PRKG1: variants seen among roughly 807,000 people sequenced by gnomAD.
PRKG1 encodes the protein protein kinase cGMP-dependent 1.
In PRKG1, 35 loss-of-function variants were observed where a neutral mutation model predicts 88.1. The ratio of observed to expected loss-of-function variants is 0.40; its 90% confidence interval spans 0.30 to 0.53. The LOEUF is 0.53. Ranked by LOEUF, PRKG1 falls within the 20% of genes least tolerant of loss-of-function variation. PRKG1 has a pLI of 0.59. For missense variants in PRKG1, 540 were observed against 839.8 expected (o/e 0.64, Z 4.41); for synonymous variants, 303 against 292.5 (o/e 1.04, Z -0.37).
At chr10:52,205,212 T>A (rs1011997208) in intron 9 of PRKG1, among the ~76,000 whole-genome samples, 5 of 152,172 alleles carry the variant, frequency 3.3e-5, no homozygotes, top group African/African-American at 1.2e-4. Context: ...TTCTAGTTTC[T>A]CCCTGACCTT....
intron 11 of PRKG1, among the ~76,000 whole-genome samples, chr10:52,272,016 CAT>C (rs1210304382): frequency 2.0e-5 from 3 of 152,046 alleles, no homozygotes; most frequent in African/African-American, 7.2e-5. Context: ...GAAATTTATA[CAT>C]GTCTGAATCT....
chr10:51,946,591 T>G lies in PRKG1; in HGVS notation c.762+39021T>G, dbSNP rs184871994. On this transcript the variant is annotated intron_variant, in intron 5 of 17. Transcript: ENST00000373980. ...CTGTTTTTTCCCCATCTTTGTGGTT[T>G]TATCTACTTTTGGTCTTTGATGATG... Among the ~76,000 whole-genome samples, 291 of 152,162 alleles carry G rather than the reference T, an allele frequency of 1.9e-3. 4 individuals carry two copies. Among genetic ancestry groups the G allele is most frequent in the African/African-American group, 6.8e-3 (282 of 41,408 alleles).
intron 2 of PRKG1, among the ~76,000 whole-genome samples, chr10:51,359,754 G>T (rs200850060): frequency 1.3e-5 from 2 of 151,940 alleles, no homozygotes; most frequent in East Asian, 3.9e-4. Flanking sequence ...GTATGAGGCA[G>T]GTGTGTAAAA....
intron 3 of PRKG1, among the ~76,000 whole-genome samples, chr10:51,643,776 C>T (rs1174584731): frequency 1.3e-5 from 2 of 152,042 alleles, no homozygotes. Context: ...CTGACAAAAA[C>T]AAAACAAAAC....
chr10:51,478,839 A>AAAAT (rs1423785027), intron 3 of PRKG1, among the ~76,000 whole-genome samples: 1 of 152,048 alleles, frequency 6.6e-6, no homozygotes, highest in Non-Finnish European at 1.5e-5. Context: ...CCAAATTATT[A>AAAAT]AAATATCAAA....
chr10:52,089,062 T>A (rs375874853), intron 7 of PRKG1, among the ~76,000 whole-genome samples: 1 of 152,166 alleles, frequency 6.6e-6, no homozygotes, highest in Admixed American at 6.5e-5. Flanking sequence ...AATATCAAGT[T>A]TTTTTGGTCT....
intron 8 of PRKG1, among the ~76,000 whole-genome samples, chr10:52,144,421 C>T (rs1837672069): frequency 6.6e-6 from 1 of 152,176 alleles, no homozygotes; most frequent in Non-Finnish European, 1.5e-5. Flanking sequence ...AAGAGAGTAG[C>T]AGATTAATTA....
intron 7 of PRKG1, among the ~76,000 whole-genome samples, chr10:52,069,850 G>C (rs543544382): frequency 6.6e-6 from 1 of 151,036 alleles, no homozygotes. Flanking sequence ...TTTCATTCTC[G>C]GTCAATATAT....
chr10:52,119,399 C>T (rs1847763603), intron 7 of PRKG1, among the ~76,000 whole-genome samples: 1 of 152,170 alleles, frequency 6.6e-6, no homozygotes, highest in Non-Finnish European at 1.5e-5. Flanking sequence ...GAGACACTCT[C>T]TCCTGACATG....
In PRKG1 at chr10:52,297,071, T is replaced by C. The variant is rs1370146465; in HGVS notation, c.*3171T>C. 8 of 152,240 alleles carry C rather than the reference T, an allele frequency of 5.3e-5. No individual in the cohort carries two copies. The South Asian group carries it at 1.7e-3, about 32-fold the overall frequency. The allele number at this position is 152,240 out of a possible 1,614,324, so 9.4% of individuals were successfully genotyped here. A position where few individuals can be genotyped will look rare whatever the true frequency, so the allele number is the denominator to read the frequency against. On this transcript the variant is annotated 3_prime_UTR_variant, in exon 18 of 18. Transcript: ENST00000373980. The stretch of plus-strand genomic sequence containing the variant: ...TAGAACTGATTTCATACAATAGAGG[T>C]GATCTGTGCATTATCCATAACAACG...
At chr10:51,909,642 G>A (rs934360342) in intron 5 of PRKG1, 3 of 152,158 alleles carry the variant, frequency 2.0e-5, no homozygotes, top group Non-Finnish European at 2.9e-5. Context: ...TGAAGAGGAA[G>A]GCATAAGGCC....
intron 2 of PRKG1, among the ~76,000 whole-genome samples, chr10:51,250,437 T>C (rs886819081): frequency 5.9e-5 from 9 of 151,810 alleles, no homozygotes; most frequent in East Asian, 1.9e-4. Flanking sequence ...GAATAACCTG[T>C]CATGCAAAAG....
intron 2 of PRKG1, among the ~76,000 whole-genome samples, chr10:51,395,685 C>T (rs149514983): frequency 3.8e-4 from 58 of 152,178 alleles, no homozygotes; most frequent in African/African-American, 1.3e-3. Flanking sequence ...AATTTTTCAG[C>T]GTTGGAAGAG....
intron 2 of PRKG1, among the ~76,000 whole-genome samples, chr10:51,269,750 G>C (rs7077723): frequency 6.6e-6 from 1 of 151,910 alleles, no homozygotes; most frequent in African/African-American, 2.4e-5. Flanking sequence ...AAAAGACTAC[G>C]TGTTGGGTAC....
chr10:51,621,747 G>C (rs567075429), intron 3 of PRKG1, among the ~76,000 whole-genome samples: 1 of 152,000 alleles, frequency 6.6e-6, no homozygotes, highest in Admixed American at 6.6e-5. Context: ...TGTTTTAAAG[G>C]TCCTCTCTAT....
Position 51,804,600 on chromosome 10 carries a change from A to G in PRKG1, c.608A>G (p.Lys203Arg), listed in dbSNP as rs775968324. Residue 203 changes from lysine to arginine, a missense_variant, in exon 4 of 18, where the codon AAA becomes AGA. Around this residue, in one of 5 missense-constraint regions of PRKG1, gnomAD observed 400 missense variants for 562.7 expected, o/e 0.71. Coordinates refer to ENST00000373980, the MANE Select transcript of PRKG1 (RefSeq NM_006258.4). ...TTTTCTCCAGCTCTTGTAAATGTAAAACTCTGGGCCATTGATCGACAATGT... is the reference window on the plus strand; with the variant it reads ...TTTTCTCCAGCTCTTGTAAATGTAAGACTCTGGGCCATTGATCGACAATGT... ...TATVKTLVNV[K>R]LWAIDRQCFQ... 1 of 1,593,918 alleles carries G rather than the reference A, an allele frequency of 6.3e-7. No homozygotes were observed. Among genetic ancestry groups the G allele is most frequent in the East Asian group, 2.2e-5 (1 of 44,660 alleles).
At chr10:51,613,079 T>A (rs1430995118) in intron 3 of PRKG1, among the ~76,000 whole-genome samples, 1 of 151,792 alleles carries the variant, frequency 6.6e-6, no homozygotes, top group African/African-American at 2.4e-5. Flanking sequence ...TGTAGTTTTA[T>A]TTTAAGGAGG....
chr10:51,221,977 C>T (rs889971897), intron 2 of PRKG1, among the ~76,000 whole-genome samples: 1 of 149,872 alleles, frequency 6.7e-6, no homozygotes, highest in African/African-American at 2.5e-5. Flanking sequence ...CGGGTTCAAG[C>T]AATTCTCCTG....
rs572542438 is a variant in PRKG1 at position 51,268,585 on chromosome 10, G to A, written c.478+115255G>A. On this transcript the variant is annotated intron_variant, in intron 2 of 17. Transcript: ENST00000373980. Reference sequence around the variant, plus strand: ...CCGGCTCAGCAGTCAGAGTTTATAAGGTTATCTCTCTTGTTCCCTGTACAT... The same window carrying A: ...CCGGCTCAGCAGTCAGAGTTTATAAAGTTATCTCTCTTGTTCCCTGTACAT... Among the ~76,000 whole-genome samples the A allele has an allele frequency of 2.6e-5, 4 of 152,218 alleles. No individual in the cohort carries two copies. In the East Asian group the frequency reaches 5.8e-4, roughly 22 times the overall value.
Sources: gnomAD v4.1 joint callset for allele counts (sites outside exome capture counted in the v4.1 genomes callset) on GRCh38, gnomAD v4.1.1 for gene constraint, gnomAD v4.1.1 regional missense constraint, MANE v1.5 for transcripts, NCBI Gene and HGNC (gene_info 2026-07-23, HGNC 2026-07-21) for gene names.